RAG1: variants seen among roughly 807,000 people sequenced by gnomAD.
RAG1 encodes V(D)J recombination-activating protein 1.
Under a neutral mutation model 62.7 loss-of-function variants are expected in RAG1, and 35 were observed. The ratio of observed to expected loss-of-function variants is 0.56; its 90% CI spans 0.43 to 0.74. RAG1 has a LOEUF of 0.74. Ranked by LOEUF, RAG1 falls within the 30% of genes least tolerant of loss-of-function variation. The pLI is 0.00. For missense variants in RAG1, 1,169 were observed against 1,278.6 expected (o/e 0.91, Z 1.31); for synonymous variants, 461 against 470.3 (o/e 0.98, Z 0.26).
intron 3 of RAG1, among the ~76,000 whole-genome samples, chr11:36,549,026 G>T (rs1369606985): frequency 2.6e-5 from 4 of 152,152 alleles, no homozygotes; most frequent in Non-Finnish European, 5.9e-5. Flanking sequence ...ATGGGGAAAG[G>T]ATTCCCTATT....
At chr11:36,518,369 A>C (rs1422170593) in intron 1 of RAG1, among the ~76,000 whole-genome samples, 1 of 152,114 alleles carries the variant, frequency 6.6e-6, no homozygotes, top group Non-Finnish European at 1.5e-5. Context: ...AATGGGATGG[A>C]TGGGTCAAAT....
At chr11:36,521,487 A>G (rs556217271) in intron 2 of RAG1, among the ~76,000 whole-genome samples, 1 of 152,292 alleles carries the variant, frequency 6.6e-6, no homozygotes, top group Admixed American at 6.5e-5. Flanking sequence ...AGGCCTCCCC[A>G]GCTAAGTGGA....
chr11:36,561,071 T>C (rs1012090105), intron 3 of RAG1, among the ~76,000 whole-genome samples: 1 of 152,250 alleles, frequency 6.6e-6, no homozygotes, highest in South Asian at 2.1e-4. Flanking sequence ...CATCCTGCCA[T>C]ACTCAGGTAC....
intron 3 of RAG1, among the ~76,000 whole-genome samples, chr11:36,545,841 A>G (rs1280937460): frequency 2.6e-5 from 4 of 152,152 alleles, no homozygotes; most frequent in East Asian, 1.9e-4. Flanking sequence ...TCTTAATTTC[A>G]TTACTTATCC....
At position 36,574,643 on chromosome 11, in the gene RAG1, G is replaced by A; in HGVS notation, c.1339G>A (p.Glu447Lys). 2 of 1,614,226 alleles carry A rather than the reference G, an allele frequency of 1.2e-6. No individual in the cohort carries two copies. The highest frequency in any genetic ancestry group is 1.7e-6 in the Non-Finnish European group (2 of 1,180,034). The part of the protein sequence containing the change: ...LFLLALRARN[E>K]HRQADELEAI... ...CCTGCTGGCTCTGAGGGCGAGGAAT[G>A]AGCACAGGCAAGCTGATGAGCTGGA... Residue 447 changes from glutamate to lysine, a missense_variant, in exon 2 of 2, where the codon GAG (glutamate) becomes AAG (lysine). Around this residue, in one of 2 missense-constraint regions of RAG1, gnomAD observed 800 missense variants for 943.3 expected, o/e 0.85. Transcript: ENST00000299440.
At chr11:36,543,607 CTT>C (rs1850347862) in intron 3 of RAG1, among the ~76,000 whole-genome samples, 1 of 152,226 alleles carries the variant, frequency 6.6e-6, no homozygotes, top group Admixed American at 6.5e-5. Context: ...CAGCCTCTCT[CTT>C]GTTTGGCCTC....
intron 2 of RAG1, among the ~76,000 whole-genome samples, chr11:36,522,214 C>T (rs981381075): frequency 6.6e-6 from 1 of 152,218 alleles, no homozygotes; most frequent in Non-Finnish European, 1.5e-5. Context: ...CCTCCCATCA[C>T]AAGCCCAGAG....
At chr11:36,537,987 C>T (rs767280837), downstream of RAG1, among the ~76,000 whole-genome samples, 1 of 151,762 alleles carries the variant, frequency 6.6e-6, no homozygotes, top group East Asian at 1.9e-4. Context: ...TTATTTTATC[C>T]CTTCTGCTTG....
At chr11:36,562,086 A>G (rs755868457) in intron 3 of RAG1, among the ~76,000 whole-genome samples, 8 of 152,222 alleles carry the variant, frequency 5.3e-5, no homozygotes, top group Non-Finnish European at 7.3e-5. Context: ...TATTCTAACC[A>G]TGATGGGGAA....
intron 2 of RAG1, among the ~76,000 whole-genome samples, chr11:36,528,291 A>G (rs923290721): frequency 1.3e-5 from 2 of 152,054 alleles, no homozygotes; most frequent in Admixed American, 6.6e-5. Context: ...ATAACAAACT[A>G]TCTCTCAGAC....
At chr11:36,547,104 G>C (rs1007341467) in intron 3 of RAG1, among the ~76,000 whole-genome samples, 3 of 152,048 alleles carry the variant, frequency 2.0e-5, no homozygotes, top group African/African-American at 7.2e-5. Flanking sequence ...ATGTTGGCCT[G>C]TCATGCTAGG....
intron 2 of RAG1, among the ~76,000 whole-genome samples, chr11:36,528,425 A>T (rs531451475): frequency 2.6e-4 from 39 of 152,324 alleles, no homozygotes; most frequent in African/African-American, 8.9e-4. Flanking sequence ...GGCAGAGATA[A>T]AGATGTTCTT....
At chr11:36,511,723 T>C (rs1305808415) in intron 1 of RAG1, among the ~76,000 whole-genome samples, 3 of 152,190 alleles carry the variant, frequency 2.0e-5, no homozygotes, top group African/African-American at 7.2e-5. Flanking sequence ...CCTTTGTGTA[T>C]CCCTCCCTAG....
chr11:36,573,567 C>G lies in RAG1; in HGVS notation c.263C>G (p.Ser88Ter). The stretch of plus-strand genomic sequence containing the variant: ...TTGTTAAAAGCCCACCCTAAGTTTT[C>G]AAAGAAATTTCACGACAACGAGAAA... ...QPLLKAHPKFSKKFHDNEKAR... is the reference protein window; with the variant it reads ...QPLLKAHPKF The change falls in exon 2 of 2, where the codon TCA (serine) becomes TGA (stop). Residue 88 changes from serine (S) to a stop codon, truncating the protein, a stop_gained. Coordinates refer to ENST00000299440, the MANE Select transcript of RAG1 (RefSeq NM_000448.3). LOFTEE classifies it high-confidence loss of function. 1 of 1,614,140 alleles carries G rather than the reference C, an allele frequency of 6.2e-7. No homozygotes were observed. Among genetic ancestry groups the G allele is most frequent in the Non-Finnish European group, 8.5e-7 (1 of 1,180,028 alleles).
chr11:36,576,830 G>A lies in RAG1; in HGVS notation c.*394G>A. ...TGTGGTTTTCATTTTTTTCCCCCTT[G>A]ATTGATTATATTTTGTATTGAGATA... On this transcript the variant is annotated 3_prime_UTR_variant, in exon 2 of 2. Coordinates refer to ENST00000299440, the MANE Select transcript of RAG1 (RefSeq NM_000448.3). 1 of 224,780 alleles carries A rather than the reference G, an allele frequency of 4.4e-6. No individual in the cohort carries two copies. Among genetic ancestry groups the A allele is most frequent in the Non-Finnish European group, 9.7e-6 (1 of 103,236 alleles). The allele number at this position is 224,780 out of a possible 1,614,324, so 13.9% of individuals were successfully genotyped here.
At position 36,516,395 on chromosome 11, in the gene RAG1, C is replaced by T. The variant is rs565670282; in HGVS notation, n.331-3737C>T. Among the ~76,000 whole-genome samples the T allele has an allele frequency of 7.9e-5, 12 of 152,378 alleles. No individual in the cohort carries two copies. In the East Asian group the frequency reaches 2.3e-3, roughly 29 times the overall value. The stretch of plus-strand genomic sequence containing the variant: ...GGAGTGCAGTGGCGCGATCTCCGCT[C>T]GCTGCAAGCTCCGCCTCCCGGGCTC... On this transcript the variant is annotated intron_variant and non_coding_transcript_variant, in intron 1 of 2. Coordinates refer to the RAG1 transcript ENST00000529126.
At chr11:36,511,834 C>G (rs1220558171) in intron 1 of RAG1, among the ~76,000 whole-genome samples, 2 of 152,168 alleles carry the variant, frequency 1.3e-5, no homozygotes, top group Non-Finnish European at 2.9e-5. Context: ...TCAGAGTTCC[C>G]TCCACTTCTT....
At chr11:36,551,045 A>G (rs934180539) in intron 3 of RAG1, among the ~76,000 whole-genome samples, 3 of 152,174 alleles carry the variant, frequency 2.0e-5, no homozygotes, top group African/African-American at 7.2e-5. Flanking sequence ...TTGGACAGAT[A>G]GGAAAGTAAC....
chr11:36,513,744 CAA>C (rs1564973168), intron 1 of RAG1, among the ~76,000 whole-genome samples: 3 of 152,304 alleles, frequency 2.0e-5, no homozygotes, highest in African/African-American at 4.8e-5. Context: ...TGGCAGCAGA[CAA>C]GAGAGAGAAT....
Sources: gnomAD v4.1 joint callset for allele counts (sites outside exome capture counted in the v4.1 genomes callset) on GRCh38, gnomAD v4.1.1 for gene constraint, gnomAD v4.1.1 regional missense constraint, MANE v1.5 for transcripts, NCBI Gene and HGNC (gene_info 2026-07-23, HGNC 2026-07-21) for gene names.